Variants in RBFOX1 observed in about 807,000 individuals in gnomAD.
RBFOX1 encodes the protein RNA binding protein fox-1 homolog 1.
RBFOX1 carries 8 observed loss-of-function variants against 57.7 expected under a neutral mutation model. The ratio of observed to expected loss-of-function variants is 0.14; its 90% CI spans 0.08 to 0.25. The LOEUF (loss-of-function observed/expected upper bound fraction) is 0.25. Ranked by LOEUF, RBFOX1 falls within the 10% of genes least tolerant of loss-of-function variation. The pLI is 1.00. For synonymous variants in RBFOX1, 326 were observed against 222.4 expected (o/e 1.47, Z -4.15); for missense variants, 611 against 548.5 (o/e 1.11, Z -1.14).
At chr16:7,262,576 C>G (rs1438781580) in intron 4 of RBFOX1, among the ~76,000 whole-genome samples, 1 of 152,284 alleles carries the variant, frequency 6.6e-6, no homozygotes, top group East Asian at 1.9e-4. Flanking sequence ...GCTCCTCATT[C>G]TGGGTCCAGC....
chr16:6,619,108 G>A (rs2098186797), intron 2 of RBFOX1, among the ~76,000 whole-genome samples: 1 of 151,858 alleles, frequency 6.6e-6, no homozygotes, highest in Non-Finnish European at 1.5e-5. Context: ...ATGACTTCCA[G>A]ACACTTAACA....
At chr16:6,919,258 G>T (rs1184045198) in intron 3 of RBFOX1, among the ~76,000 whole-genome samples, 1 of 152,062 alleles carries the variant, frequency 6.6e-6, no homozygotes, top group African/African-American at 2.4e-5. Flanking sequence ...GCTGGGCTGG[G>T]ATTACAGGTG....
chr16:7,034,409 C>G (rs139039533), intron 3 of RBFOX1, among the ~76,000 whole-genome samples: 6 of 152,158 alleles, frequency 3.9e-5, no homozygotes, highest in East Asian at 1.9e-4. Context: ...CACCAGGGGT[C>G]TCGGGATGAT....
chr16:7,022,757 T>A (rs544102438), intron 3 of RBFOX1, among the ~76,000 whole-genome samples: 5 of 152,310 alleles, frequency 3.3e-5, no homozygotes, highest in African/African-American at 9.6e-5. Context: ...AACAGTTTCC[T>A]AATGTTTGGT....
At chr16:7,278,244 C>A (rs1203006171) in intron 4 of RBFOX1, among the ~76,000 whole-genome samples, 3 of 152,172 alleles carry the variant, frequency 2.0e-5, no homozygotes, top group African/African-American at 7.2e-5. Flanking sequence ...TGCCTATTCA[C>A]AAACCCCTTG....
At chr16:6,788,601 G>A (rs560945560) in intron 3 of RBFOX1, among the ~76,000 whole-genome samples, 1 of 151,816 alleles carries the variant, frequency 6.6e-6, no homozygotes, top group South Asian at 2.1e-4. Flanking sequence ...TCAGCCTCCC[G>A]AGTAGCTGGA....
chr16:6,198,574 C>G (rs533237158), intron 1 of RBFOX1, among the ~76,000 whole-genome samples: 2 of 152,098 alleles, frequency 1.3e-5, no homozygotes, highest in Non-Finnish European at 2.9e-5. Flanking sequence ...CTTCTGAAAA[C>G]AAGAGATTGG....
At chr16:7,253,829 C>G (rs2094576123) in intron 4 of RBFOX1, among the ~76,000 whole-genome samples, 1 of 152,086 alleles carries the variant, frequency 6.6e-6, no homozygotes. Context: ...AACACTGAGT[C>G]CAAGGTCTGC....
At chr16:7,609,071 C>A (rs1206984910) in intron 10 of RBFOX1, among the ~76,000 whole-genome samples, 1 of 152,168 alleles carries the variant, frequency 6.6e-6, no homozygotes, top group African/African-American at 2.4e-5. Context: ...ATCAAATACT[C>A]CAAATGGTTG....
At chr16:6,992,305 C>A (rs1265077131) in intron 3 of RBFOX1, among the ~76,000 whole-genome samples, 1 of 151,968 alleles carries the variant, frequency 6.6e-6, no homozygotes, top group Non-Finnish European at 1.5e-5. Flanking sequence ...GCAGCCTCTG[C>A]CTCCCAGGTT....
Position 7,107,657 on chromosome 16 carries a change from A to G in RBFOX1, c.27+55559A>G, listed in dbSNP as rs534968324. Reference sequence around the variant, plus strand: ...CTCCCCTTCCACCCTCCCCAAAACAACCACCAATCCACTTTCTATTTCTAC... The same window carrying G: ...CTCCCCTTCCACCCTCCCCAAAACAGCCACCAATCCACTTTCTATTTCTAC... On this transcript the variant is annotated intron_variant, in intron 4 of 15. Transcript: ENST00000550418. Among the ~76,000 whole-genome samples the G allele has an allele frequency of 2.7e-4, 41 of 152,042 alleles. 1 individual carries two copies. The South Asian group carries it at 8.1e-3, about 30-fold the overall frequency.
At chr16:5,757,440 C>A (rs186606851) in intron 3 of RBFOX1, among the ~76,000 whole-genome samples, 35 of 151,986 alleles carry the variant, frequency 2.3e-4, no homozygotes, top group African/African-American at 7.0e-4. Flanking sequence ...CCATTTTGGC[C>A]GGGATGGTCT....
chr16:6,193,550 A>G (rs1331649660), intron 1 of RBFOX1, among the ~76,000 whole-genome samples: 1 of 150,746 alleles, frequency 6.6e-6, no homozygotes, highest in South Asian at 2.1e-4. Flanking sequence ...GGTTTCATCA[A>G]TGGCAAAGCA....
chr16:6,958,022 G>T (rs1370490744), intron 3 of RBFOX1, among the ~76,000 whole-genome samples: 2 of 152,132 alleles, frequency 1.3e-5, no homozygotes, highest in African/African-American at 4.8e-5. Context: ...TCAGGGGTGA[G>T]AATACCAGGA....
chr16:6,993,714 A>G (rs1016616749), intron 3 of RBFOX1, among the ~76,000 whole-genome samples: 53 of 152,064 alleles, frequency 3.5e-4, no homozygotes, highest in African/African-American at 1.0e-3. Flanking sequence ...CTCCAATCCA[A>G]TTTGCGTGTG....
intron 3 of RBFOX1, among the ~76,000 whole-genome samples, chr16:6,812,986 C>G (rs1280609886): frequency 6.6e-6 from 1 of 152,028 alleles, no homozygotes; most frequent in African/African-American, 2.4e-5. Flanking sequence ...CCCTACTTCT[C>G]TCTTTTTTGT....
chr16:6,321,722 G>C (rs1412541447), intron 2 of RBFOX1, among the ~76,000 whole-genome samples: 1 of 152,182 alleles, frequency 6.6e-6, no homozygotes, highest in Non-Finnish European at 1.5e-5. Flanking sequence ...ATAGATAAAT[G>C]CATCCACCTT....
chr16:7,377,592 G>T (rs1004931778), intron 4 of RBFOX1, among the ~76,000 whole-genome samples: 2 of 152,160 alleles, frequency 1.3e-5, no homozygotes, highest in Non-Finnish European at 2.9e-5. Flanking sequence ...TTTGTCTATG[G>T]CATTATTCTT....
chr16:7,191,299 T>G (rs1416784470), intron 4 of RBFOX1, among the ~76,000 whole-genome samples: 3 of 151,500 alleles, frequency 2.0e-5, no homozygotes, highest in Non-Finnish European at 2.9e-5. Context: ...CTTTTTTTCC[T>G]CTTTCTAATA....
Sources: allele counts gnomAD v4.1 joint callset (sites outside exome capture counted in the v4.1 genomes callset), GRCh38; gene constraint gnomAD v4.1.1; transcripts MANE v1.5; gene names NCBI Gene and HGNC (gene_info 2026-07-23, HGNC 2026-07-21).